Variants in STARD13 observed in about 807,000 individuals in gnomAD.
STARD13 encodes the protein StAR related lipid transfer domain containing 13, also known as stAR-related lipid transfer protein 13.
STARD13 carries 62 observed loss-of-function variants against 106.4 expected under a neutral mutation model. The observed-to-expected ratio is 0.58, with a 90% confidence interval of 0.48 to 0.72. STARD13 has a LOEUF of 0.72. Among genes scored for constraint, STARD13 ranks in the 30% least tolerant of loss-of-function variants. The pLI is 0.00. For missense variants in STARD13, 1,387 were observed against 1,424.0 expected, an observed-to-expected ratio of 0.97 and a Z score of 0.42; for synonymous variants, 565 against 553.0, an observed-to-expected ratio of 1.02 and a Z score of -0.31.
the STARD13 span, among the ~76,000 whole-genome samples, chr13:33,591,591 T>C: frequency 1.3e-5 from 2 of 152,206 alleles, no homozygotes; most frequent in African/African-American, 4.8e-5. Context: ...TCACAACAAA[T>C]TTAACATTCC....
the STARD13 span, among the ~76,000 whole-genome samples, chr13:33,542,845 C>T: frequency 2.0e-5 from 3 of 152,230 alleles, no homozygotes; most frequent in Admixed American, 2.0e-4. Flanking sequence ...GGTGCCGAGT[C>T]TCCCGCCACC....
At chr13:33,144,763 T>G (rs1014463985) in intron 3 of STARD13, among the ~76,000 whole-genome samples, 1 of 152,224 alleles carries the variant, frequency 6.6e-6, no homozygotes, top group Admixed American at 6.5e-5. Flanking sequence ...TTGGTGGCTC[T>G]GTAACAGGTT....
At chr13:33,232,353 C>G (rs2138215122) in intron 1 of STARD13, among the ~76,000 whole-genome samples, 1 of 152,122 alleles carries the variant, frequency 6.6e-6, no homozygotes, top group African/African-American at 2.4e-5. Context: ...GTAAATAATT[C>G]TTGTATTTAA....
At chr13:33,238,132 C>G (rs1038992442) in intron 1 of STARD13, among the ~76,000 whole-genome samples, 16 of 152,166 alleles carry the variant, frequency 1.1e-4, no homozygotes, top group Admixed American at 9.2e-4. Flanking sequence ...ATAGCACTTA[C>G]CTTTCTTTTA....
the STARD13 span, among the ~76,000 whole-genome samples, chr13:33,618,465 C>A: frequency 6.7e-6 from 1 of 149,196 alleles, no homozygotes; most frequent in Non-Finnish European, 1.5e-5. Context: ...AAAGACTTAA[C>A]AAATTTCTTC....
the STARD13 span, among the ~76,000 whole-genome samples, chr13:33,549,649 G>T: frequency 1.3e-5 from 2 of 152,062 alleles, no homozygotes; most frequent in African/African-American, 4.8e-5. Context: ...AACCATTTTG[G>T]CTATTTCCCC....
At chr13:33,230,195 G>C (rs780986348) in intron 1 of STARD13, among the ~76,000 whole-genome samples, 21 of 152,198 alleles carry the variant, frequency 1.4e-4, no homozygotes, top group Admixed American at 3.9e-4. Flanking sequence ...TATGTCCCCA[G>C]ATAAATCTTG....
At chr13:33,595,009 G>A in the STARD13 span, among the ~76,000 whole-genome samples, 1 of 151,990 alleles carries the variant, frequency 6.6e-6, no homozygotes, top group Non-Finnish European at 1.5e-5. Context: ...TGTTTCTTTG[G>A]GATATATATC....
chr13:33,144,852 C>A (rs1435010769), intron 3 of STARD13, among the ~76,000 whole-genome samples: 1 of 152,168 alleles, frequency 6.6e-6, no homozygotes. Context: ...TTTGGAAGCA[C>A]AAACAAAACA....
chr13:33,460,368 G>A, the STARD13 span, among the ~76,000 whole-genome samples: 1 of 151,736 alleles, frequency 6.6e-6, no homozygotes, highest in Non-Finnish European at 1.5e-5. Context: ...CCACGTGCCT[G>A]TAGTCCTAGG....
chr13:33,144,080 T>G (rs1163718031), intron 3 of STARD13, among the ~76,000 whole-genome samples: 1 of 152,210 alleles, frequency 6.6e-6, no homozygotes, highest in African/African-American at 2.4e-5. Context: ...GAATTCAGAC[T>G]GAGGTCCATC....
At chr13:33,330,950 T>C (rs77227951) in intron 1 of STARD13, among the ~76,000 whole-genome samples, 3,112 of 152,318 alleles carry the variant, frequency 0.02, 36 homozygotes, top group Middle Eastern at 0.065. Context: ...TATAAAGTTG[T>C]AGAGCAAAGT....
At chr13:33,396,247 C>G in the STARD13 span, among the ~76,000 whole-genome samples, 1 of 152,336 alleles carries the variant, frequency 6.6e-6, no homozygotes, top group Admixed American at 6.5e-5. Context: ...CCTCCTGCCT[C>G]AGCCTCCCCA....
chr13:33,654,664 T>A, the STARD13 span: 1 of 152,218 alleles, frequency 6.6e-6, no homozygotes, highest in Non-Finnish European at 1.5e-5. Context: ...ATAAAAAGTG[T>A]TAAAATATAA....
the STARD13 span, among the ~76,000 whole-genome samples, chr13:33,529,810 C>A: frequency 2.6e-5 from 4 of 152,132 alleles, no homozygotes; most frequent in African/African-American, 9.7e-5. Flanking sequence ...AAAAACAATA[C>A]AGCATGTTCA....
At chr13:33,459,572 C>T in the STARD13 span, among the ~76,000 whole-genome samples, 1 of 152,130 alleles carries the variant, frequency 6.6e-6, no homozygotes, top group Non-Finnish European at 1.5e-5. Context: ...CATTTCTGTA[C>T]AATTCTTTGT....
intron 1 of STARD13, among the ~76,000 whole-genome samples, chr13:33,248,670 TC>T (rs1423795132): frequency 1.3e-5 from 2 of 152,324 alleles, no homozygotes; most frequent in East Asian, 3.9e-4. Flanking sequence ...TTGGTATTCC[TC>T]CCATTCCTTT....
the STARD13 span, among the ~76,000 whole-genome samples, chr13:33,467,895 T>C: frequency 6.6e-6 from 1 of 152,228 alleles, no homozygotes; most frequent in Non-Finnish European, 1.5e-5. Context: ...AAGATTGCTG[T>C]CTTCTTTAGG....
intron 3 of STARD13, among the ~76,000 whole-genome samples, chr13:33,157,961 A>G (rs1335603211): frequency 6.6e-6 from 1 of 152,180 alleles, no homozygotes; most frequent in Non-Finnish European, 1.5e-5. Context: ...GGAGAAAATA[A>G]TTTTCAATTA....
Sources: allele counts gnomAD v4.1 joint callset (sites outside exome capture counted in the v4.1 genomes callset), GRCh38; gene constraint gnomAD v4.1.1; transcripts MANE v1.5; gene names NCBI Gene and HGNC (gene_info 2026-07-23, HGNC 2026-07-21).